UBA3: variants seen among roughly 807,000 people sequenced by gnomAD.
The protein encoded by UBA3 is ubiquitin like modifier activating enzyme 3, also known as NEDD8-activating enzyme E1 catalytic subunit.
Under a neutral mutation model 73.5 loss-of-function variants are expected in UBA3, and 26 were observed. The ratio of observed to expected loss-of-function variants is 0.35; its 90% CI spans 0.26 to 0.49. The LOEUF (loss-of-function observed/expected upper bound fraction) is 0.49, where lower values mean the gene tolerates loss of function less well. Ranked by LOEUF, UBA3 falls within the 20% of genes least tolerant of loss-of-function variation. UBA3 has a pLI of 0.98. For missense variants in UBA3, 495 were observed against 555.6 expected (o/e 0.89, Z 1.10); for synonymous variants, 217 against 191.2 (o/e 1.13, Z -1.11).
At chr3:69,073,827 T>C (rs1252714496) in intron 4 of UBA3, among the ~76,000 whole-genome samples, 2 of 144,106 alleles carry the variant, frequency 1.4e-5, no homozygotes, top group African/African-American at 4.9e-5. Flanking sequence ...TATTTTTTAG[T>C]AGAGACGGGG....
intron 5 of UBA3, among the ~76,000 whole-genome samples, chr3:69,069,723 C>G (rs1454648760): frequency 6.6e-6 from 1 of 152,112 alleles, no homozygotes; most frequent in Non-Finnish European, 1.5e-5. Flanking sequence ...ATAAAAAAGG[C>G]CCTGTTATAA....
intron 12 of UBA3, 84 bp from the exon 13 acceptor site, chr3:69,056,899 T>C (rs1230955378): frequency 7.1e-7 from 1 of 1,402,338 alleles, no homozygotes; most frequent in African/African-American, 1.4e-5. Context: ...AACAGATAAA[T>C]TTACATTGGC....
At position 69,071,586 on chromosome 3, in the gene UBA3, A is replaced by G. The variant is rs2092122605; in HGVS notation, c.296T>C (p.Ile99Thr). 1.9e-6 allele frequency: 3 copies of G among 1,564,880 alleles called. No individual in the cohort carries two copies. Among genetic ancestry groups the G allele is most frequent in the African/African-American group, 1.4e-5 (1 of 71,410 alleles). Reference protein sequence around the residue: ...ALSGFRQIHVIDMDTIDVSNL... With the variant: ...ALSGFRQIHVTDMDTIDVSNL... ...GGAAACATCTATAGTGTCCATATCT[A>G]TAACATGAATCTGTCTAAAACCAGA... Residue 99 changes from isoleucine (I) to threonine (T), a missense_variant, in exon 5 of 18, where the codon ATA (isoleucine) becomes ACA (threonine). Coordinates refer to ENST00000361055, the MANE Select transcript of UBA3 (RefSeq NM_003968.4).
At chr3:69,066,436 T>G (rs2092072118) in intron 6 of UBA3, among the ~76,000 whole-genome samples, 1 of 128,048 alleles carries the variant, frequency 7.8e-6, no homozygotes, top group South Asian at 2.6e-4. Context: ...CGTTTTATGG[T>G]TTTTTGTGTT....
intron 9 of UBA3, among the ~76,000 whole-genome samples, chr3:69,062,730 T>C (rs916477908): frequency 2.6e-5 from 4 of 152,190 alleles, no homozygotes; most frequent in African/African-American, 9.7e-5. Context: ...ACTTTGTAAT[T>C]CTACTTGATA....
intron 9 of UBA3, among the ~76,000 whole-genome samples, chr3:69,062,515 G>T (rs374461332): frequency 1.3e-5 from 2 of 152,200 alleles, no homozygotes; most frequent in East Asian, 1.9e-4. Flanking sequence ...CAAAACAAAA[G>T]CAAGTTCAGA....
intron 6 of UBA3, among the ~76,000 whole-genome samples, chr3:69,065,094 GA>G (rs769738681): frequency 3.3e-5 from 5 of 152,030 alleles, no homozygotes; most frequent in Non-Finnish European, 5.9e-5. Flanking sequence ...GGTCAAAAAA[GA>G]AACAAAGCAA....
Position 69,080,116 on chromosome 3 carries a change from C to A in UBA3, c.58G>T (p.Glu20Ter). ...CGGCCTCCCGGCAGCACTAACTTCT[C>A]AGCCAGCAGCTCCTCTATTCTCCTT... is the stretch of plus-strand genomic sequence containing the variant. Reference protein sequence around the residue: ...KRRRIEELLAEKMAVDGGCGD... With the variant: ...KRRRIEELLA The change falls in exon 2 of 18, where the codon GAG becomes TAG. Residue 20 changes from glutamate to a stop codon, truncating the protein, a stop_gained. Transcript: ENST00000361055. LOFTEE classifies it high-confidence loss of function. 1 of 1,609,254 alleles carries A rather than the reference C, an allele frequency of 6.2e-7. No individual in the cohort carries two copies.
intron 8 of UBA3, 139 bp downstream of exon 8, chr3:69,063,299 AC>A: frequency 8.1e-7 from 1 of 1,236,996 alleles, no homozygotes; most frequent in Non-Finnish European, 1.1e-6. Context: ...AAAACCAATG[AC>A]TGGCAATAAA....
intron 4 of UBA3, among the ~76,000 whole-genome samples, chr3:69,073,658 C>T (rs886721438): frequency 3.4e-5 from 5 of 145,310 alleles, no homozygotes; most frequent in African/African-American, 7.7e-5. Context: ...TTTTTTGAGA[C>T]GGAGTCTCGC....
intron 8 of UBA3, 50 bp from the exon 9 acceptor site, chr3:69,063,187 AAAG>A (rs754319149): frequency 5.6e-6 from 9 of 1,601,974 alleles, no homozygotes; most frequent in Admixed American, 3.4e-5. Context: ...TAAGAATTCA[AAAG>A]AAGAAGTATG....
chr3:69,058,023 T>C (rs916865912), intron 11 of UBA3, among the ~76,000 whole-genome samples: 17 of 150,924 alleles, frequency 1.1e-4, no homozygotes, highest in Non-Finnish European at 1.6e-4. Flanking sequence ...CTCCGCCTTC[T>C]GGGTTCACGC....
At position 69,054,733 on chromosome 3, in the gene UBA3, A is replaced by G. The variant is rs965929839; in HGVS notation, c.*704T>C. 9.9e-5 allele frequency: 15 copies of G among 152,232 alleles called. No homozygotes were observed. Among genetic ancestry groups the G allele is most frequent in the African/African-American group, 3.4e-4 (14 of 41,464 alleles). 9.4% of individuals were successfully genotyped at this position (152,232 alleles called of 1,614,324 possible). On this transcript the variant is annotated 3_prime_UTR_variant, in exon 18 of 18. Transcript: ENST00000361055. The stretch of plus-strand genomic sequence containing the variant: ...TTAAAAACTTCAGTGAAAGAAGTAC[A>G]CAATATATGATTTTATTAATAAATA...
chr3:69,076,237 TAAGGTA>T (rs2092165736), intron 3 of UBA3, among the ~76,000 whole-genome samples: 1 of 151,870 alleles, frequency 6.6e-6, no homozygotes, highest in African/African-American at 2.4e-5. Flanking sequence ...AGTAAAACAA[TAAGGTA>T]AAAAGAGTAA....
intron 6 of UBA3, among the ~76,000 whole-genome samples, chr3:69,066,047 C>A (rs2092068608): frequency 6.6e-6 from 1 of 152,146 alleles, no homozygotes; most frequent in Admixed American, 6.5e-5. Flanking sequence ...TTTCTCCAGT[C>A]TGTGGCTTTT....
chr3:69,056,646 C>T lies in UBA3; in HGVS notation c.1049G>A (p.Gly350Glu). 6.2e-7 allele frequency: 1 copy of T among 1,613,222 alleles called. No homozygotes were observed. The highest frequency in any genetic ancestry group is 8.5e-7 in the Non-Finnish European group (1 of 1,179,462). Residue 350 changes from glycine to glutamate, a missense_variant, in exon 14 of 18, where the codon GGG (glycine) becomes GAG (glutamate). Physicochemically the swap from Gly to Glu is moderately conservative, Grantham distance 98. Coordinates refer to ENST00000361055, the MANE Select transcript of UBA3 (RefSeq NM_003968.4). ...TGCTTCAAATGTGTATGTATACAGC[C>T]CATCTACATCATTAAACACCAAGTA... is the stretch of plus-strand genomic sequence containing the variant. ...NNYLVFNDVD[G>E]LYTYTFEAER...
chr3:69,077,975 A>G, intron 2 of UBA3, 57 bp from the exon 3 acceptor site: 2 of 1,595,492 alleles, frequency 1.3e-6, no homozygotes, highest in South Asian at 2.2e-5. Context: ...AACCACACCT[A>G]CAACTATTAT....
chr3:69,056,355 TA>T lies in UBA3; in HGVS notation c.1084-73del. 3 of 1,247,994 alleles carry T rather than the reference TA, an allele frequency of 2.4e-6. 1 individual carries two copies. The South Asian group carries it at 5.0e-5, about 21-fold the overall frequency. The allele number at this position is 1,247,994 out of a possible 1,614,324, so 77.3% of individuals were successfully genotyped here. On this transcript the variant is annotated intron_variant, in intron 14 of 17. Transcript: ENST00000361055. The stretch of plus-strand genomic sequence containing the variant: ...TTAGTCTCTTTTATGAACAATAAAA[TA>T]AAAATCAGGTTGTTTTATAATCATG...
At chr3:69,055,612 G>A (rs1284370161) in intron 17 of UBA3, 87 bp from the exon 18 acceptor site, 39 of 1,031,272 alleles carry the variant, frequency 3.8e-5, no homozygotes, top group Middle Eastern at 2.9e-4. Flanking sequence ...AGAGTATTAC[G>A]GTCTAGAAAA....
Sources: gnomAD v4.1 joint callset for allele counts (sites outside exome capture counted in the v4.1 genomes callset) on GRCh38, gnomAD v4.1.1 for gene constraint, MANE v1.5 for transcripts, NCBI Gene and HGNC (gene_info 2026-07-23, HGNC 2026-07-21) for gene names.